The following FLYWCH1 variants were observed in gnomAD, a reference collection of about 807,000 sequenced individuals.
FLYWCH1 encodes the protein FLYWCH-type zinc finger 1.
In FLYWCH1, 75 loss-of-function variants were observed where a neutral mutation model predicts 66.4. The observed-to-expected ratio is 1.13, with a 90% confidence interval of 0.94 to 1.37. The LOEUF is 1.37. FLYWCH1 is among the 40% of genes most tolerant of loss of function. FLYWCH1 has a pLI of 0.00. For synonymous variants in FLYWCH1, 595 were observed against 429.9 expected, an observed-to-expected ratio of 1.38 and a Z score of -4.75; for missense variants, 1,334 against 1,001.8, an observed-to-expected ratio of 1.33 and a Z score of -4.48.
At chr16:2,930,235 C>T (rs1363076167) in intron 3 of FLYWCH1, among the ~76,000 whole-genome samples, 175 bp from the exon 4 acceptor site, 2 of 152,068 alleles carry the variant, frequency 1.3e-5, no homozygotes, top group Admixed American at 1.3e-4. Context: ...TCCCTAAAAA[C>T]ATCCACTACC....
At position 2,916,591 on chromosome 16, in the gene FLYWCH1, C is replaced by T. The variant is rs545020627; in HGVS notation, c.-74+2302C>T. Among the ~76,000 whole-genome samples the T allele has an allele frequency of 8.2e-4, 125 of 151,892 alleles. 3 individuals are homozygous for T. The South Asian group carries it at 0.025, about 30-fold the overall frequency. On this transcript the variant is annotated intron_variant, in intron 2 of 9. Transcript: ENST00000253928. ...GACAGAGCTTGCAGAGAGCCGAGAT[C>T]GCACCACTGCACTCCAGCCTGGGTG...
At chr16:2,917,005 A>G (rs2070192625) in intron 2 of FLYWCH1, among the ~76,000 whole-genome samples, 1 of 150,600 alleles carries the variant, frequency 6.6e-6, no homozygotes, top group African/African-American at 2.4e-5. Flanking sequence ...AAATAACAAA[A>G]ATTAGCCAGG....
At chr16:2,912,543 A>G (rs2070025964) in intron 1 of FLYWCH1, among the ~76,000 whole-genome samples, 1 of 152,126 alleles carries the variant, frequency 6.6e-6, no homozygotes, top group Admixed American at 6.5e-5. Context: ...TTCTGACCCT[A>G]TAGATCTCCG....
In FLYWCH1 at chr16:2,933,389, G is replaced by T. The variant is rs763047216; in HGVS notation, c.1056G>T (p.Gln352His). The T allele has an allele frequency of 6.9e-6, 11 of 1,602,402 alleles. 1 individual carries two copies. The South Asian group carries it at 1.0e-4, about 15-fold the overall frequency. ...AGGAGAAGGCCGTGGAGACGCTGCA[G>T]GCTGGGCAGGACGGCCCTGGGAGCC... Reference protein sequence around the residue: ...RQQEKAVETLQAGQDGPGSQV... With the variant: ...RQQEKAVETLHAGQDGPGSQV... The change falls in exon 5 of 10, where the codon CAG (glutamine) becomes CAT (histidine). Residue 352 changes from glutamine (Q) to histidine (H), a missense_variant. Physicochemically the swap from Gln to His is conservative, Grantham distance 24. Coordinates refer to ENST00000253928, the MANE Select transcript of FLYWCH1 (RefSeq NM_001308068.2).
rs756849737 is a variant in FLYWCH1 at position 2,938,318 on chromosome 16, G to C, written c.1912G>C (p.Gly638Arg). The stretch of plus-strand genomic sequence containing the variant: ...GATGTGCCGGGACCAGGCTCGGCTG[G>C]GCTGCCGCAGCCGCGCCATAACCCA... ...YWMCRDQARL[G>R]CRSRAITQGH... The change falls in exon 8 of 10, where the codon GGC (glycine) becomes CGC (arginine). Residue 638 changes from glycine (G) to arginine (R), a missense_variant. Physicochemically the swap from Gly to Arg is moderately radical, Grantham distance 125 (BLOSUM62 -2). Transcript: ENST00000253928. 1 of 1,608,884 alleles carries C rather than the reference G, an allele frequency of 6.2e-7. No individual in the cohort carries two copies. The highest frequency in any genetic ancestry group is 1.1e-5 in the South Asian group (1 of 90,770).
chr16:2,946,759 ACTT>A (rs2071503396), intron 9 of FLYWCH1, among the ~76,000 whole-genome samples: 1 of 152,202 alleles, frequency 6.6e-6, no homozygotes, highest in African/African-American at 2.4e-5. Flanking sequence ...TAGATTCTCA[ACTT>A]CATCAGTCTC....
intron 2 of FLYWCH1, among the ~76,000 whole-genome samples, chr16:2,918,779 C>T (rs76641905): frequency 2.0e-5 from 3 of 152,036 alleles, no homozygotes; most frequent in African/African-American, 4.8e-5. Context: ...AAATAAAATT[C>T]GCCAATGAAT....
At chr16:2,941,111 T>G (rs1318978434) in intron 9 of FLYWCH1, among the ~76,000 whole-genome samples, 1 of 151,566 alleles carries the variant, frequency 6.6e-6, no homozygotes, top group African/African-American at 2.4e-5. Flanking sequence ...ACAGAGAAAT[T>G]TGGGAAACTC....
At chr16:2,940,347 G>A (rs1293978215) in intron 9 of FLYWCH1, among the ~76,000 whole-genome samples, 2 of 152,210 alleles carry the variant, frequency 1.3e-5, no homozygotes, top group Non-Finnish European at 2.9e-5. Context: ...TCCTTCACAT[G>A]ACAGCCATGG....
In FLYWCH1 at chr16:2,938,366, C is replaced by T. The variant is rs866521894; in HGVS notation, c.1960C>T (p.Arg654Cys). The T allele has an allele frequency of 3.3e-5, 52 of 1,588,574 alleles. No homozygotes were observed. Among genetic ancestry groups the T allele is most frequent in the South Asian group, 4.6e-5 (4 of 87,598 alleles). Residue 654 changes from arginine to cysteine, a missense_variant, in exon 8 of 10, where the codon CGC becomes TGC. Physicochemically the swap from Arg to Cys is radical, Grantham distance 180 (BLOSUM62 -3). Coordinates refer to ENST00000253928, the MANE Select transcript of FLYWCH1 (RefSeq NM_001308068.2). Reference protein sequence around the residue: ...ITQGHRIMVMRSHCHQPDLAG... With the variant: ...ITQGHRIMVMCSHCHQPDLAG... ...CCAGGGCCACCGCATCATGGTCATGCGCAGCCACTGCCATCAGCCTGACCT... is the reference window on the plus strand; with the variant it reads ...CCAGGGCCACCGCATCATGGTCATGTGCAGCCACTGCCATCAGCCTGACCT...
In FLYWCH1 at chr16:2,929,726, T is replaced by C; in HGVS notation, c.41T>C (p.Val14Ala). The change falls in exon 3 of 10, where the codon GTG (valine) becomes GCG (alanine). Residue 14 changes from valine to alanine, a missense_variant. Transcript: ENST00000253928. ...CCCAGCGAGCAGGAGGGCGAGAGTG[T>C]GAAGGCCGGCCAGGAGCCATCCCCC... Reference protein sequence around the residue: ...PEPSEQEGESVKAGQEPSPKP... With the variant: ...PEPSEQEGESAKAGQEPSPKP... 1 of 1,613,296 alleles carries C rather than the reference T, an allele frequency of 6.2e-7. No homozygotes were observed. The highest frequency in any genetic ancestry group is 8.5e-7 in the Non-Finnish European group (1 of 1,179,740).
intron 1 of FLYWCH1, among the ~76,000 whole-genome samples, chr16:2,912,853 C>T (rs1476689760): frequency 1.3e-5 from 2 of 152,220 alleles, no homozygotes; most frequent in Non-Finnish European, 2.9e-5. Context: ...GCTGAACTCC[C>T]ATAGTCAGAT....
At chr16:2,914,017 A>G (rs2070081918) in intron 1 of FLYWCH1, among the ~76,000 whole-genome samples, 159 bp from the exon 2 acceptor site, 1 of 152,152 alleles carries the variant, frequency 6.6e-6, no homozygotes, top group South Asian at 2.1e-4. Context: ...CGGCCCATTC[A>G]GAAGCTTTTT....
At position 2,930,496 on chromosome 16, in the gene FLYWCH1, GC is replaced by G. The variant is rs764247842; in HGVS notation, c.413del (p.Ala138GlufsTer31). 7.2e-6 allele frequency: 11 copies of G among 1,533,374 alleles called. No individual in the cohort carries two copies. The East Asian group carries it at 2.4e-4, about 33-fold the overall frequency. The allele number at this position is 1,533,374 out of a possible 1,614,324, so 95.0% of individuals were successfully genotyped here. ...LESFLYKQEK[A>X]VGDKVYWKCR... ...GTCCTTCCTGTACAAGCAGGAGAAG[GC>G]AGTGGGGGACAAGGTGTACTGGAAG... On this transcript the variant is annotated frameshift_variant, in exon 4 of 10. Transcript: ENST00000253928. LOFTEE classifies it high-confidence loss of function.
Position 2,933,756 on chromosome 16 carries a change from C to T in FLYWCH1, c.1290C>T (p.Phe430=), listed in dbSNP as rs1160895901. ...TGAAGACGCCCCTGGGGGGCAGCTT[C>T]CTGGTGTACGAGTCCTTCCTCTACC... ...EFLKTPLGGS[F]LVYESFLYRR... The change falls in exon 6 of 10, where the codon TTC becomes TTT. Residue 430 remains phenylalanine (F), a synonymous_variant. Transcript: ENST00000253928. 3 of 1,613,162 alleles carry T rather than the reference C, an allele frequency of 1.9e-6. No homozygotes were observed. Among genetic ancestry groups the T allele is most frequent in the Non-Finnish European group, 2.5e-6 (3 of 1,179,654 alleles).
chr16:2,931,483 GTGTGTGCC>G (rs1333551660), intron 4 of FLYWCH1, among the ~76,000 whole-genome samples: 1 of 151,738 alleles, frequency 6.6e-6, no homozygotes, highest in Non-Finnish European at 1.5e-5. Flanking sequence ...AGCTGTTGTG[GTGTGTGCC>G]TGTGGTCTCA....
chr16:2,913,016 G>T (rs2070044136), intron 1 of FLYWCH1: 1 of 152,178 alleles, frequency 6.6e-6, no homozygotes, highest in Admixed American at 6.6e-5. Flanking sequence ...TGCTACTGGC[G>T]GGACGTGTGG....
intron 2 of FLYWCH1, among the ~76,000 whole-genome samples, chr16:2,928,141 T>C (rs2070637787): frequency 6.6e-6 from 1 of 152,242 alleles, no homozygotes; most frequent in Non-Finnish European, 1.5e-5. Flanking sequence ...CAGCGTATCT[T>C]GCCTCCAGCC....
chr16:2,918,305 G>A (rs1002319977), intron 2 of FLYWCH1, among the ~76,000 whole-genome samples: 64 of 152,108 alleles, frequency 4.2e-4, no homozygotes, highest in African/African-American at 1.4e-3. Context: ...CCGCCACCGC[G>A]CCCAGCTAAT....
Sources: allele counts gnomAD v4.1 joint callset (sites outside exome capture counted in the v4.1 genomes callset), GRCh38; gene constraint gnomAD v4.1.1; transcripts MANE v1.5; gene names NCBI Gene and HGNC (gene_info 2026-07-23, HGNC 2026-07-21).